PPP2R2D: variants seen among roughly 807,000 people sequenced by gnomAD.
PPP2R2D encodes protein phosphatase 2 regulatory subunit Bdelta, also known as serine/threonine-protein phosphatase 2A 55 kDa regulatory subunit B delta isoform.
A neutral mutation model predicts 31.1 loss-of-function variants in PPP2R2D; 9 were observed. The ratio of observed to expected loss-of-function variants is 0.29; its 90% CI spans 0.17 to 0.51. PPP2R2D has a LOEUF of 0.51. Among genes scored for constraint, PPP2R2D ranks in the 20% least tolerant of loss-of-function variants. The pLI is 0.98. For missense variants in PPP2R2D, 391 were observed against 465.6 expected, an observed-to-expected ratio of 0.84 and a Z score of 1.48; for synonymous variants, 179 against 172.6, an observed-to-expected ratio of 1.04 and a Z score of -0.29.
downstream of PPP2R2D, among the ~76,000 whole-genome samples, chr10:131,962,203 C>T (rs1402519452): frequency 1.3e-5 from 2 of 152,206 alleles, no homozygotes; most frequent in African/African-American, 4.8e-5. Context: ...GCGGGGCTCG[C>T]AGTGGCCAGG....
At chr10:131,931,643 T>C (rs2036230190) in intron 2 of PPP2R2D, among the ~76,000 whole-genome samples, 1 of 152,224 alleles carries the variant, frequency 6.6e-6, no homozygotes, top group Non-Finnish European at 1.5e-5. Context: ...CCACTGCGCC[T>C]GGCCCCACCC....
rs910230304 is a variant in PPP2R2D, at chr10:131,904,383, G to A, written c.100+3053G>A. ...AAATTAGCCGGGTGTGATGGCGGGCGCCTGCAGTCCCAGCTACTTGGGAGG... is the reference window on the plus strand; with the variant it reads ...AAATTAGCCGGGTGTGATGGCGGGCACCTGCAGTCCCAGCTACTTGGGAGG... On this transcript the variant is annotated intron_variant, in intron 2 of 8. Transcript: ENST00000455566. 3.5e-4 allele frequency among the ~76,000 whole-genome samples: 53 copies of A among 151,888 alleles called. 1 individual carries two copies. Among genetic ancestry groups the A allele is most frequent in the South Asian group, 1.7e-3 (8 of 4,816 alleles).
At position 131,954,035 on chromosome 10, in the gene PPP2R2D, C is replaced by T. The variant is rs545797730; in HGVS notation, c.1083-1649C>T. Among the ~76,000 whole-genome samples, 8 of 152,294 alleles carry T rather than the reference C, an allele frequency of 5.3e-5. No individual in the cohort carries two copies. The South Asian group carries it at 1.7e-3, about 32-fold the overall frequency. ...GTGCTGCCTCAGCCCAATCCTGATT[C>T]TCCGTGTGGCAGCGCCTTCTTGTGT... On this transcript the variant is annotated intron_variant, in intron 8 of 8. Transcript: ENST00000455566.
Position 131,934,441 on chromosome 10 carries a change from C to T in PPP2R2D, c.101-17C>T, listed in dbSNP as rs926962512. The T allele has an allele frequency of 1.4e-5, 11 of 767,408 alleles. No homozygotes were observed. The highest frequency in any genetic ancestry group is 2.4e-5 in the Non-Finnish European group (10 of 413,720). 47.5% of individuals were successfully genotyped at this position (767,408 alleles called of 1,614,324 possible). A position where few individuals can be genotyped will look rare whatever the true frequency, so the allele number is the denominator to read the frequency against. ...CAAAACCGCATCCGGTAAATCGCTT[C>T]TGTATTTTGTTGACAGCGGACATCA... On this transcript the variant is annotated splice_polypyrimidine_tract_variant and intron_variant, in intron 2 of 8. Coordinates refer to ENST00000455566, the MANE Select transcript of PPP2R2D (RefSeq NM_018461.5).
Position 131,917,501 on chromosome 10 carries a change from G to A in PPP2R2D, c.100+16171G>A, listed in dbSNP as rs1484744098. Among the ~76,000 whole-genome samples, 7 of 122,164 alleles carry A rather than the reference G, an allele frequency of 5.7e-5. 1 individual carries two copies. The highest frequency in any genetic ancestry group is 1.3e-4 in the African/African-American group (4 of 31,966). The allele number at this position is 122,164 out of a possible 152,430, so 80.1% of individuals were successfully genotyped here. ...GACAGTGTTTGTAGGGACCTCACAC[G>A]GATGGAATGACACAGTGTTTGTAGG... On this transcript the variant is annotated intron_variant, in intron 2 of 8. Transcript: ENST00000455566.
At chr10:131,929,040 T>C (rs1400368771) in intron 2 of PPP2R2D, among the ~76,000 whole-genome samples, 3 of 152,256 alleles carry the variant, frequency 2.0e-5, no homozygotes, top group African/African-American at 4.8e-5. Context: ...GTTGTTTGTC[T>C]GCCTTCGTTG....
chr10:131,924,695 C>CAAA (rs34819032), intron 2 of PPP2R2D, among the ~76,000 whole-genome samples: 1 of 113,292 alleles, frequency 8.8e-6, no homozygotes, highest in Admixed American at 9.1e-5. Flanking sequence ...GCAATTTTTG[C>CAAA]AAAAAAAAAA....
chr10:131,943,915 A>G (rs2036487246), intron 5 of PPP2R2D, 53 bp from the exon 6 acceptor site: 1 of 744,632 alleles, frequency 1.3e-6, no homozygotes, highest in Admixed American at 2.1e-5. Context: ...AAGTGTTCTA[A>G]TTATGTGCTG....
chr10:131,917,829 G>A (rs1306416484), intron 2 of PPP2R2D, among the ~76,000 whole-genome samples: 26 of 101,936 alleles, frequency 2.6e-4, no homozygotes, highest in South Asian at 4.4e-4. Flanking sequence ...GACCTCAGGC[G>A]GGTGGAATGA....
intron 2 of PPP2R2D, among the ~76,000 whole-genome samples, chr10:131,912,904 A>C (rs1180619974): frequency 2.6e-5 from 4 of 152,214 alleles, no homozygotes; most frequent in Admixed American, 2.0e-4. Context: ...GAGTGGGTAC[A>C]CGGTGTCAGA....
the PPP2R2D span, among the ~76,000 whole-genome samples, chr10:131,966,097 G>A: frequency 1.3e-5 from 2 of 152,196 alleles, no homozygotes; most frequent in African/African-American, 4.8e-5. Flanking sequence ...TGGTTTGTGT[G>A]TCCAAAGCAT....
downstream of PPP2R2D, among the ~76,000 whole-genome samples, chr10:131,961,480 G>C (rs1413646122): frequency 1.3e-5 from 2 of 152,172 alleles, no homozygotes; most frequent in Non-Finnish European, 2.9e-5. Flanking sequence ...AGCCACCCTG[G>C]CCATGGGTCA....
chr10:131,940,842 G>T (rs2036429135), intron 5 of PPP2R2D, 148 bp downstream of exon 5: 1 of 543,906 alleles, frequency 1.8e-6, no homozygotes, highest in Non-Finnish European at 3.3e-6. Flanking sequence ...TTGCACTCAT[G>T]TGTGTGTTTA....
intron 2 of PPP2R2D, among the ~76,000 whole-genome samples, chr10:131,918,043 G>A (rs113962427): frequency 7.6e-4 from 97 of 128,292 alleles, no homozygotes; most frequent in South Asian, 1.4e-3. Context: ...AGGCGGGTGG[G>A]ATGACACAGT....
rs570974994 is a variant in PPP2R2D, at chr10:131,918,241, T to C, written c.101-16217T>C. On this transcript the variant is annotated intron_variant, in intron 2 of 8. Coordinates refer to ENST00000455566, the MANE Select transcript of PPP2R2D (RefSeq NM_018461.5). ...GAATGACACAGTGTTTGTAGGGACC[T>C]CAGGCAGGTGGAATGACACAGTGTT... 4.6e-3 allele frequency among the ~76,000 whole-genome samples: 670 copies of C among 146,910 alleles called. 6 individuals carry two copies. Among genetic ancestry groups the C allele is most frequent in the African/African-American group, 0.016 (623 of 39,048 alleles).
intron 2 of PPP2R2D, among the ~76,000 whole-genome samples, chr10:131,929,276 T>C (rs2036165150): frequency 6.6e-6 from 1 of 152,172 alleles, no homozygotes; most frequent in South Asian, 2.1e-4. Context: ...ATCATGGGAA[T>C]GGGCAGGCTG....
chr10:131,955,537 C>T (rs2036776719), intron 8 of PPP2R2D, 147 bp from the exon 9 acceptor site: 3 of 555,240 alleles, frequency 5.4e-6, no homozygotes, highest in Admixed American at 4.3e-5. Flanking sequence ...TCTCTTCTGC[C>T]CATTGTGATT....
chr10:131,926,026 GT>G (rs2036098663), intron 2 of PPP2R2D, among the ~76,000 whole-genome samples: 1 of 152,202 alleles, frequency 6.6e-6, no homozygotes, highest in African/African-American at 2.4e-5. Flanking sequence ...ATGTGGGCAT[GT>G]TTAGGCGACT....
At chr10:131,943,590 C>T (rs2119880101) in intron 5 of PPP2R2D, among the ~76,000 whole-genome samples, 2 of 152,100 alleles carry the variant, frequency 1.3e-5, no homozygotes, top group Middle Eastern at 6.8e-3. Context: ...AAGGAGAGGA[C>T]AAAGGGAGGG....
Sources: gnomAD v4.1 joint callset for allele counts (sites outside exome capture counted in the v4.1 genomes callset) on GRCh38, gnomAD v4.1.1 for gene constraint, MANE v1.5 for transcripts, NCBI Gene and HGNC (gene_info 2026-07-23, HGNC 2026-07-21) for gene names.